Variants in FRMD4A observed in about 807,000 individuals in gnomAD.
The protein encoded by FRMD4A is FERM domain-containing protein 4A.
A neutral mutation model predicts 129.1 loss-of-function variants in FRMD4A; 29 were observed. That is an observed-to-expected ratio of 0.22 (90% CI 0.17 to 0.31). FRMD4A has a LOEUF of 0.31. Ranked by LOEUF, FRMD4A falls within the 10% of genes least tolerant of loss-of-function variation. The pLI is 1.00. For missense variants in FRMD4A, 1,272 were observed against 1,375.8 expected (o/e 0.92, Z 1.19); for synonymous variants, 634 against 571.6 (o/e 1.11, Z -1.56).
At chr10:14,142,550 T>C (rs567446216) in intron 2 of FRMD4A, among the ~76,000 whole-genome samples, 2 of 152,214 alleles carry the variant, frequency 1.3e-5, no homozygotes, top group Non-Finnish European at 2.9e-5. Flanking sequence ...GAAAAGTTAG[T>C]GTACAATAAG....
intron 6 of FRMD4A, among the ~76,000 whole-genome samples, chr10:13,768,101 T>TGTGC (rs979850789): frequency 3.3e-5 from 5 of 151,832 alleles, no homozygotes; most frequent in Admixed American, 1.3e-4. Flanking sequence ...TGTGTGTGTG[T>TGTGC]GCGAACGTGC....
At chr10:14,166,388 G>A (rs1304868922) in intron 2 of FRMD4A, among the ~76,000 whole-genome samples, 1 of 152,042 alleles carries the variant, frequency 6.6e-6, no homozygotes, top group Non-Finnish European at 1.5e-5. Flanking sequence ...TTTCTAGCTA[G>A]TTTACTCTCT....
chr10:14,005,099 A>G (rs2095657265), intron 2 of FRMD4A, among the ~76,000 whole-genome samples: 1 of 151,254 alleles, frequency 6.6e-6, no homozygotes, highest in Non-Finnish European at 1.5e-5. Context: ...CTTGGCTCAC[A>G]GCAACCTCCA....
chr10:13,931,139 G>A (rs2095190238), intron 2 of FRMD4A, among the ~76,000 whole-genome samples: 1 of 152,152 alleles, frequency 6.6e-6, no homozygotes, highest in Admixed American at 6.5e-5. Context: ...GTAAGGTGTT[G>A]AGCCATAAAG....
intron 2 of FRMD4A, among the ~76,000 whole-genome samples, chr10:14,053,307 G>T (rs913744387): frequency 3.9e-5 from 6 of 152,204 alleles, no homozygotes; most frequent in Non-Finnish European, 8.8e-5. Flanking sequence ...GTGCAAAGGA[G>T]GGTGAGATCC....
chr10:14,247,806 T>C (rs1844297855), intron 2 of FRMD4A, among the ~76,000 whole-genome samples: 1 of 152,196 alleles, frequency 6.6e-6, no homozygotes, highest in African/African-American at 2.4e-5. Flanking sequence ...CTGCTTAAAT[T>C]GAGTGTGAGG....
At chr10:13,811,726 G>A (rs377347782) in intron 3 of FRMD4A, among the ~76,000 whole-genome samples, 1 of 152,146 alleles carries the variant, frequency 6.6e-6, no homozygotes, top group East Asian at 1.9e-4. Context: ...GTGGGGGAGG[G>A]AGGAAAGGCT....
intron 2 of FRMD4A, among the ~76,000 whole-genome samples, chr10:14,320,562 T>C (rs1388791986): frequency 6.6e-6 from 1 of 152,236 alleles, no homozygotes; most frequent in Non-Finnish European, 1.5e-5. Flanking sequence ...CTCACACACC[T>C]GTCCCTGCCC....
intron 2 of FRMD4A, among the ~76,000 whole-genome samples, chr10:14,094,829 T>C (rs535365516): frequency 6.6e-6 from 1 of 152,332 alleles, no homozygotes; most frequent in African/African-American, 2.4e-5. Context: ...GCTACTGCCA[T>C]TGGCCCATGT....
At chr10:14,093,645 CAA>C (rs957979759) in intron 2 of FRMD4A, among the ~76,000 whole-genome samples, 7 of 152,136 alleles carry the variant, frequency 4.6e-5, no homozygotes, top group Non-Finnish European at 1.0e-4. Context: ...GGACAATAAA[CAA>C]ATGTCTTTGA....
chr10:13,644,403 A>C lies in FRMD4A; in HGVS notation c.*2635T>G, dbSNP rs545694276. The C allele has an allele frequency of 2.0e-5, 3 of 152,328 alleles. No individual in the cohort carries two copies. The highest frequency in any genetic ancestry group is 7.2e-5 in the African/African-American group (3 of 41,576). 9.4% of individuals were successfully genotyped at this position (152,328 alleles called of 1,614,324 possible). On this transcript the variant is annotated 3_prime_UTR_variant, in exon 25 of 25. Transcript: ENST00000357447. Reference sequence around the variant, plus strand: ...GTCAGTCTCAAAGGACTAACGTTTTATGTACATTTTGTATTAACTGAACTC... The same window carrying C: ...GTCAGTCTCAAAGGACTAACGTTTTCTGTACATTTTGTATTAACTGAACTC...
intron 2 of FRMD4A, among the ~76,000 whole-genome samples, chr10:14,097,324 C>T (rs1355245732): frequency 6.6e-6 from 1 of 151,900 alleles, no homozygotes; most frequent in Non-Finnish European, 1.5e-5. Flanking sequence ...TGATTGCAGA[C>T]TTTTGTTCTC....
Position 13,683,712 on chromosome 10 carries a change from G to GTT in FRMD4A, c.1118-8670_1118-8669dup, listed in dbSNP as rs5783340. Among the ~76,000 whole-genome samples, 792 of 147,746 alleles carry GTT rather than the reference G, an allele frequency of 5.4e-3. 3 individuals carry two copies. The highest frequency in any genetic ancestry group is 8.0e-3 in the Non-Finnish European group (533 of 66,988). On this transcript the variant is annotated intron_variant, in intron 15 of 24. Coordinates refer to ENST00000357447, the MANE Select transcript of FRMD4A (RefSeq NM_018027.5). ...CGTGAATTGTAGCTGGTCACATCCAGTTTTTTTTTTTTCTTTTTGAGACGG... is the reference window on the plus strand; with the variant it reads ...CGTGAATTGTAGCTGGTCACATCCAGTTTTTTTTTTTTTTCTTTTTGAGACGG...
chr10:14,106,737 T>C (rs938934894), intron 2 of FRMD4A, among the ~76,000 whole-genome samples: 1 of 152,206 alleles, frequency 6.6e-6, no homozygotes, highest in Non-Finnish European at 1.5e-5. Flanking sequence ...TTTAAAAAGA[T>C]CTTTCTGTCT....
chr10:14,090,877 A>G (rs145299916), intron 2 of FRMD4A, among the ~76,000 whole-genome samples: 1 of 152,152 alleles, frequency 6.6e-6, no homozygotes, highest in Non-Finnish European at 1.5e-5. Context: ...GGGTTTCACT[A>G]TGCTCAGGCT....
At chr10:13,990,047 C>T (rs2095597882) in intron 2 of FRMD4A, among the ~76,000 whole-genome samples, 1 of 152,166 alleles carries the variant, frequency 6.6e-6, no homozygotes, top group African/African-American at 2.4e-5. Flanking sequence ...AGTCAGACTA[C>T]CTGGGTTCAA....
intron 2 of FRMD4A, among the ~76,000 whole-genome samples, chr10:13,998,945 CCTG>C (rs935808012): frequency 2.0e-5 from 3 of 152,156 alleles, no homozygotes; most frequent in African/African-American, 7.2e-5. Flanking sequence ...CTTCTCATGG[CCTG>C]CACAGCCTGT....
Position 14,129,409 on chromosome 10 carries a change from A to ATATATATATATAT in FRMD4A, c.45+200648_45+200649insATATATATATATA, listed in dbSNP as rs58579085. On this transcript the variant is annotated intron_variant, in intron 2 of 24. Transcript: ENST00000357447. ...ATATATATATATATATATATATATAAAAAATATGAGCTGTAGAACATACTT... is the reference window on the plus strand; with the variant it reads ...ATATATATATATATATATATATATAATATATATATATATAAAATATGAGCTGTAGAACATACTT... 2.4e-4 allele frequency among the ~76,000 whole-genome samples: 22 copies of ATATATATATATAT among 93,504 alleles called. 1 individual carries two copies. The highest frequency in any genetic ancestry group is 7.1e-4 in the South Asian group (2 of 2,808). The allele number at this position is 93,504 out of a possible 152,430, so 61.3% of individuals were successfully genotyped here. A position where few individuals can be genotyped will look rare whatever the true frequency, so the allele number is the denominator to read the frequency against.
At chr10:13,894,427 C>T (rs2094734862) in intron 2 of FRMD4A, among the ~76,000 whole-genome samples, 1 of 152,188 alleles carries the variant, frequency 6.6e-6, no homozygotes, top group African/African-American at 2.4e-5. Flanking sequence ...CACCAGAAAT[C>T]GTGTCACCCC....
Sources: gnomAD v4.1 joint callset for allele counts (sites outside exome capture counted in the v4.1 genomes callset) on GRCh38, gnomAD v4.1.1 for gene constraint, MANE v1.5 for transcripts, NCBI Gene and HGNC (gene_info 2026-07-23, HGNC 2026-07-21) for gene names.